Variants in EEF1E1 observed in about 807,000 individuals in gnomAD.
EEF1E1 encodes the protein eukaryotic translation elongation factor 1 epsilon 1.
EEF1E1 carries 19 observed loss-of-function variants against 19.9 expected under a neutral mutation model. That is an observed-to-expected ratio of 0.95 (90% CI 0.66 to 1.40). The LOEUF (loss-of-function observed/expected upper bound fraction) is 1.40, where lower values mean the gene tolerates loss of function less well. EEF1E1 is among the 40% of genes most tolerant of loss of function. The pLI is 0.00. For missense variants in EEF1E1, 198 were observed against 202.2 expected (o/e 0.98, Z 0.13); for synonymous variants, 81 against 80.0 (o/e 1.01, Z -0.07).
intron 3 of EEF1E1, among the ~76,000 whole-genome samples, chr6:8,080,958 C>T (rs1368888982): frequency 6.6e-6 from 1 of 152,234 alleles, no homozygotes; most frequent in African/African-American, 2.4e-5. Flanking sequence ...TGCTTTTCAG[C>T]ATTTAGCACA....
intron 2 of EEF1E1, among the ~76,000 whole-genome samples, chr6:8,094,078 C>T (rs1462709042): frequency 2.6e-5 from 4 of 152,190 alleles, no homozygotes; most frequent in Admixed American, 6.5e-5. Flanking sequence ...GGATTTCAGG[C>T]GTGAGCCACC....
downstream of EEF1E1, among the ~76,000 whole-genome samples, chr6:8,079,126 G>A (rs1465247909): frequency 6.6e-6 from 1 of 152,140 alleles, no homozygotes; most frequent in Admixed American, 6.5e-5. Flanking sequence ...TTCCATGAGA[G>A]TTGGCTTTCA....
intron 3 of EEF1E1, among the ~76,000 whole-genome samples, chr6:8,087,380 G>A (rs1757888986): frequency 6.6e-6 from 1 of 152,226 alleles, no homozygotes; most frequent in Non-Finnish European, 1.5e-5. Context: ...ACCACGCCTG[G>A]CTGATTTTTG....
In EEF1E1 at chr6:8,102,455, T is replaced by C; in HGVS notation, c.67A>G (p.Ser23Gly). 1.2e-6 allele frequency: 2 copies of C among 1,612,408 alleles called. No individual in the cohort carries two copies. Among genetic ancestry groups the C allele is most frequent in the Non-Finnish European group, 1.7e-6 (2 of 1,179,806 alleles). ...CTCACCTGTCGCTCGCCCTGAGCAC[T>C]GTATTTATTCCCCTTACTCAGTCCC... ...SLGLSKGNKY[S>G]AQGERQIPVL... Residue 23 changes from serine to glycine, a missense_variant, in exon 1 of 4, where the codon AGT becomes GGT. Coordinates refer to ENST00000379715, the MANE Select transcript of EEF1E1 (RefSeq NM_004280.5).
At chr6:8,097,717 A>T (rs923264737) in intron 1 of EEF1E1, among the ~76,000 whole-genome samples, 2 of 152,256 alleles carry the variant, frequency 1.3e-5, no homozygotes, top group Non-Finnish European at 2.9e-5. Context: ...TACAATAATC[A>T]GTATAATATT....
chr6:8,077,078 G>A (rs976726346), downstream of EEF1E1, among the ~76,000 whole-genome samples: 4 of 151,880 alleles, frequency 2.6e-5, no homozygotes, highest in Admixed American at 6.6e-5. Context: ...CGAGTAGCTG[G>A]GACTACAGGC....
intron 3 of EEF1E1, among the ~76,000 whole-genome samples, chr6:8,080,589 A>G (rs934226881): frequency 1.3e-5 from 2 of 152,232 alleles, no homozygotes; most frequent in African/African-American, 4.8e-5. Context: ...ATCAAGCTAC[A>G]AGAATGCTCA....
At chr6:8,077,178 C>T (rs538930188), downstream of EEF1E1, among the ~76,000 whole-genome samples, 10 of 152,084 alleles carry the variant, frequency 6.6e-5, no homozygotes, top group African/African-American at 1.9e-4. Context: ...CTCCTGACCT[C>T]GTGATCCGCC....
downstream of EEF1E1, among the ~76,000 whole-genome samples, chr6:8,076,929 TTTTTTG>T (rs1313782854): frequency 1.1e-4 from 16 of 143,408 alleles, no homozygotes; most frequent in African/African-American, 2.8e-4. Flanking sequence ...TAGCATGATT[TTTTTTG>T]TTTTTGTTTT....
At chr6:8,102,386 G>T (rs1483796184) in intron 1 of EEF1E1, 49 bp downstream of exon 1, 18 of 1,572,940 alleles carry the variant, frequency 1.1e-5, no homozygotes, top group Non-Finnish European at 1.4e-5. Context: ...GGCTCGGCAG[G>T]CCCCGCTCCC....
intron 3 of EEF1E1, among the ~76,000 whole-genome samples, chr6:8,073,807 T>C (rs1212423103): frequency 6.6e-6 from 1 of 152,146 alleles, no homozygotes; most frequent in Non-Finnish European, 1.5e-5. Context: ...AAATATCTTA[T>C]ACAATTGATC....
chr6:8,089,473 A>C (rs1757957484), intron 3 of EEF1E1, among the ~76,000 whole-genome samples: 1 of 152,202 alleles, frequency 6.6e-6, no homozygotes, highest in Non-Finnish European at 1.5e-5. Flanking sequence ...TGGGAGTCTG[A>C]TGTTTGAGGG....
rs376842421 is a variant in EEF1E1, at chr6:8,099,423, T to C, written c.88-1956A>G. Among the ~76,000 whole-genome samples, 137 of 152,300 alleles carry C rather than the reference T, an allele frequency of 9.0e-4. 1 individual carries two copies. Among genetic ancestry groups the C allele is most frequent in the African/African-American group, 3.2e-3 (132 of 41,556 alleles). ...ATAGGCTATATCATATACCTACTATTTGTGAAGTAGGATAAACTATCTAGG... is the reference window on the plus strand; with the variant it reads ...ATAGGCTATATCATATACCTACTATCTGTGAAGTAGGATAAACTATCTAGG... On this transcript the variant is annotated intron_variant, in intron 1 of 3. Transcript: ENST00000379715.
At chr6:8,095,649 T>C (rs1482061925) in intron 2 of EEF1E1, among the ~76,000 whole-genome samples, 1 of 150,802 alleles carries the variant, frequency 6.6e-6, no homozygotes, top group Non-Finnish European at 1.5e-5. Context: ...GTTTAATAAA[T>C]ATCTGATGGC....
At chr6:8,077,452 A>G (rs138270736), downstream of EEF1E1, among the ~76,000 whole-genome samples, 1 of 152,224 alleles carries the variant, frequency 6.6e-6, no homozygotes, top group East Asian at 1.9e-4. Context: ...ATACACTGAA[A>G]ATCTGTTGTT....
At chr6:8,073,640 G>C in intron 3 of EEF1E1, 3 of 1,292,132 alleles carry the variant, frequency 2.3e-6, no homozygotes, top group Non-Finnish European at 3.1e-6. Context: ...ATTTTAAAAA[G>C]TATTAACAGA....
chr6:8,079,782 CAACA>C lies in EEF1E1; in HGVS notation c.*104_*107del, dbSNP rs1757681023. 7.3e-7 allele frequency: 1 copy of C among 1,365,660 alleles called. No homozygotes were observed. The highest frequency in any genetic ancestry group is 2.2e-5 in the South Asian group (1 of 45,032). 84.6% of individuals were successfully genotyped at this position (1,365,660 alleles called of 1,614,324 possible). On this transcript the variant is annotated 3_prime_UTR_variant, in exon 4 of 4. Coordinates refer to ENST00000379715, the MANE Select transcript of EEF1E1 (RefSeq NM_004280.5). Reference sequence around the variant, plus strand: ...TACACTTCAAAAATTCTATCAACTTCAACAAATAATGAATGACTGTATATTAATT... The same window carrying C: ...TACACTTCAAAAATTCTATCAACTTCAATAATGAATGACTGTATATTAATT...
intron 2 of EEF1E1, among the ~76,000 whole-genome samples, chr6:8,092,868 G>GTTGTTTTTTTTTTTT (rs1554099258): frequency 9.2e-6 from 1 of 108,202 alleles, no homozygotes; most frequent in Non-Finnish European, 1.9e-5. Context: ...GATAAAGACT[G>GTTGTTTTTTTTTTTT]CTTTTTTTTT....
intron 1 of EEF1E1, chr6:8,101,956 G>A (rs1473735433): frequency 7.2e-6 from 9 of 1,251,640 alleles, no homozygotes; most frequent in South Asian, 1.3e-5. Context: ...CAAAAAGCAA[G>A]CTGCCTGAGA....
Sources: gnomAD v4.1 joint callset for allele counts (sites outside exome capture counted in the v4.1 genomes callset) on GRCh38, gnomAD v4.1.1 for gene constraint, MANE v1.5 for transcripts, NCBI Gene and HGNC (gene_info 2026-07-23, HGNC 2026-07-21) for gene names.